The following GALNT8 variants were observed in gnomAD, a reference collection of about 807,000 sequenced individuals.
The protein encoded by GALNT8 is polypeptide N-acetylgalactosaminyltransferase 8.
A neutral mutation model predicts 62.7 loss-of-function variants in GALNT8; 66 were observed. The observed-to-expected ratio is 1.05, with a 90% CI of 0.86 to 1.29. The LOEUF (loss-of-function observed/expected upper bound fraction) is 1.29, where lower values mean the gene tolerates loss of function less well. Ranked by LOEUF, GALNT8 falls within the 50% of genes most tolerant of loss-of-function variation. The pLI, the probability that GALNT8 is intolerant of heterozygous loss-of-function variation, is 0.00. For missense variants in GALNT8, 771 were observed against 791.8 expected (o/e 0.97, Z 0.32); for synonymous variants, 288 against 294.3 (o/e 0.98, Z 0.22).
intron 2 of GALNT8, among the ~76,000 whole-genome samples, chr12:4,731,782 C>G (rs1442522588): frequency 9.9e-5 from 15 of 152,084 alleles, no homozygotes. Flanking sequence ...TGGTTTATTA[C>G]ATATAGAGAT....
At chr12:4,770,774 A>G (rs1231667697) in intron 10 of GALNT8, among the ~76,000 whole-genome samples, 1 of 152,120 alleles carries the variant, frequency 6.6e-6, no homozygotes, top group African/African-American at 2.4e-5. Context: ...TTGCTTGGGA[A>G]TTTGATTCTG....
chr12:4,722,561 C>T (rs1454037014), intron 1 of GALNT8, among the ~76,000 whole-genome samples: 1 of 152,144 alleles, frequency 6.6e-6, no homozygotes, highest in Non-Finnish European at 1.5e-5. Context: ...TTTGTGATTC[C>T]GGCTCACCAT....
intron 6 of GALNT8, among the ~76,000 whole-genome samples, chr12:4,753,672 C>A (rs1270769612): frequency 6.6e-6 from 1 of 152,110 alleles, no homozygotes; most frequent in African/African-American, 2.4e-5. Context: ...TAGGATTGGT[C>A]CCTTCATTCA....
rs1191422078 is a variant in GALNT8, at chr12:4,772,436, C to T, written c.1762-9C>T. 1 of 1,612,334 alleles carries T rather than the reference C, an allele frequency of 6.2e-7. No homozygotes were observed. The highest frequency in any genetic ancestry group is 8.5e-7 in the Non-Finnish European group (1 of 1,179,254). On this transcript the variant is annotated splice_polypyrimidine_tract_variant and intron_variant, in intron 10 of 10. Transcript: ENST00000252318. ...TCAGCACCTTGGCTCTGTCTCTCTTCCCCTCCAGGGAGGAGCTGTCATAAA... is the reference window on the plus strand; with the variant it reads ...TCAGCACCTTGGCTCTGTCTCTCTTTCCCTCCAGGGAGGAGCTGTCATAAA...
In GALNT8 at chr12:4,744,742, G is replaced by A. The variant is rs746972408; in HGVS notation, c.860+42G>A. 6.4e-6 allele frequency: 9 copies of A among 1,398,924 alleles called. No individual in the cohort carries two copies. The Admixed American group carries it at 1.2e-4, about 19-fold the overall frequency. 86.7% of individuals were successfully genotyped at this position (1,398,924 alleles called of 1,614,324 possible). On this transcript the variant is annotated intron_variant, in intron 4 of 10. Coordinates refer to ENST00000252318, the MANE Select transcript of GALNT8 (RefSeq NM_017417.2). ...CTAGTTCTTCTGGAAAGGGCAGAGA[G>A]GAGATATTGTGCATGTACTGAACAC...
Position 4,739,221 on chromosome 12 carries a change from G to A in GALNT8, c.568G>A (p.Val190Met), listed in dbSNP as rs780766378. ...ATCCCTCAGTGTCATTCTCATATTC[G>A]TGAATGAAGCTCTGTCCATTATACA... ...LPSLSVILIF[V>M]NEALSIIQRA... Residue 190 changes from valine to methionine, a missense_variant, in exon 3 of 11, where the codon GTG becomes ATG. Transcript: ENST00000252318. 23 of 1,612,622 alleles carry A rather than the reference G, an allele frequency of 1.4e-5. No individual in the cohort carries two copies. The highest frequency in any genetic ancestry group is 6.7e-5 in the East Asian group (3 of 44,884).
rs34806567 is a variant in GALNT8, at chr12:4,739,170, C to T, written c.517C>T (p.Arg173Trp). ...AAAAATGGTCTCTTATAGATGTCTT[C>T]GGAAGACATATCCTTCCCAACTCCC... ...IPDTRDYRCL[R>W]KTYPSQLPSL... Residue 173 changes from arginine to tryptophan, a missense_variant, in exon 3 of 11, where the codon CGG becomes TGG. Physicochemically the swap from Arg to Trp is moderately radical, Grantham distance 101. Coordinates refer to ENST00000252318, the MANE Select transcript of GALNT8 (RefSeq NM_017417.2). The T allele has an allele frequency of 0.013, 20,338 of 1,604,602 alleles. 180 individuals are homozygous for T. The highest frequency in any genetic ancestry group is 0.014 in the Non-Finnish European group (16,809 of 1,172,470).
At chr12:4,740,235 G>A (rs1172407254) in intron 3 of GALNT8, among the ~76,000 whole-genome samples, 1 of 152,152 alleles carries the variant, frequency 6.6e-6, no homozygotes, top group African/African-American at 2.4e-5. Flanking sequence ...CACTTTCTGA[G>A]TTCATAATCC....
At position 4,720,794 on chromosome 12, in the gene GALNT8, T is replaced by A. The variant is rs1045690868; in HGVS notation, c.117T>A (p.Gly39=). 5 of 1,611,442 alleles carry A rather than the reference T, an allele frequency of 3.1e-6. No homozygotes were observed. In the South Asian group the frequency reaches 4.4e-5, roughly 14 times the overall value. ...SKGTLQNLFT[G]GLHRELPLHL... is the part of the protein sequence containing the mutation. The stretch of plus-strand genomic sequence containing the variant: ...GGACTTTACAAAACCTGTTTACGGG[T>A]GGTCTCCACAGGGAGCTTCCTTTAC... Residue 39 remains glycine (G), a synonymous_variant, in exon 1 of 11, where the codon GGT becomes GGA. Coordinates refer to ENST00000252318, the MANE Select transcript of GALNT8 (RefSeq NM_017417.2).
At chr12:4,760,005 G>T (rs1946364310) in intron 6 of GALNT8, among the ~76,000 whole-genome samples, 1 of 152,236 alleles carries the variant, frequency 6.6e-6, no homozygotes, top group Non-Finnish European at 1.5e-5. Flanking sequence ...ATTTGGTCAA[G>T]TTATGCAAAT....
intron 9 of GALNT8, among the ~76,000 whole-genome samples, chr12:4,765,057 A>C (rs1314220083): frequency 6.6e-6 from 1 of 152,132 alleles, no homozygotes; most frequent in African/African-American, 2.4e-5. Flanking sequence ...TCTGACAACA[A>C]ACCCATAGCT....
intron 1 of GALNT8, among the ~76,000 whole-genome samples, chr12:4,725,964 G>A (rs114415525): frequency 0.012 from 1,782 of 152,328 alleles, 37 homozygotes; most frequent in African/African-American, 0.041. Context: ...GGGCATAGGT[G>A]GATGATGGTG....
Position 4,726,772 on chromosome 12 carries a change from C to G in GALNT8, c.452C>G (p.Ala151Gly), listed in dbSNP as rs547136904. 3.0e-5 allele frequency: 48 copies of G among 1,613,880 alleles called. No homozygotes were observed. In the South Asian group the frequency reaches 4.8e-4, roughly 16 times the overall value. Residue 151 changes from alanine to glycine, a missense_variant, in exon 2 of 11, where the codon GCG becomes GGG. Ala to Gly is a moderately conservative substitution (Grantham distance 60). Transcript: ENST00000252318. This position sits in a 1 kb window ranked among gnomAD's most constrained non-coding sequence, Gnocchi z 4.1. ...QDLFRKFGYN[A>G]YLSNQLPLNR... is the part of the protein sequence containing the mutation. ...CTCTTCCGGAAGTTTGGTTACAACG[C>G]GTACCTCAGCAACCAGCTGCCTCTC...
intron 6 of GALNT8, among the ~76,000 whole-genome samples, chr12:4,752,906 A>G (rs1946328538): frequency 6.6e-6 from 1 of 151,966 alleles, no homozygotes; most frequent in African/African-American, 2.4e-5. Context: ...GAAAGTCTTT[A>G]TTTCTCCTTC....
intron 8 of GALNT8, 100 bp downstream of exon 8, chr12:4,763,490 C>A: frequency 1.1e-6 from 1 of 927,198 alleles, no homozygotes; most frequent in Non-Finnish European, 1.7e-6. Context: ...AGACGCCCTT[C>A]CTACCTCAGC....
intron 2 of GALNT8, among the ~76,000 whole-genome samples, chr12:4,727,550 C>G (rs1303141563): frequency 1.3e-5 from 2 of 152,188 alleles, no homozygotes; most frequent in East Asian, 3.8e-4. Flanking sequence ...CACCACTAAT[C>G]TACTTTTTAT....
chr12:4,745,191 G>C (rs1946291484), intron 4 of GALNT8, among the ~76,000 whole-genome samples: 1 of 152,170 alleles, frequency 6.6e-6, no homozygotes. Context: ...GCCTGGGGGT[G>C]TTACCTGGGT....
chr12:4,772,505 G>A lies in GALNT8; in HGVS notation c.1822G>A (p.Gly608Ser), dbSNP rs749882742. The A allele has an allele frequency of 6.2e-7, 1 of 1,613,768 alleles. No homozygotes were observed. The highest frequency in any genetic ancestry group is 8.5e-7 in the Non-Finnish European group (1 of 1,179,694). The change falls in exon 11 of 11, where the codon GGT becomes AGT. Residue 608 changes from glycine to serine, a missense_variant. By Grantham distance (56) the Gly-to-Ser change is moderately conservative. Transcript: ENST00000252318. ...RCLEMKKDLL[G>S]SHVLVLQTCS... ...TCTGGAGATGAAGAAGGATCTTTTG[G>A]GTAGCCACGTGCTTGTGCTCCAGAC... is the stretch of plus-strand genomic sequence containing the variant.
chr12:4,756,029 GTA>G (rs1260458695), intron 6 of GALNT8, among the ~76,000 whole-genome samples: 1 of 152,192 alleles, frequency 6.6e-6, no homozygotes, highest in Non-Finnish European at 1.5e-5. Context: ...AGGTTTAGAA[GTA>G]GCAAACTATT....
Sources: allele counts gnomAD v4.1 joint callset (sites outside exome capture counted in the v4.1 genomes callset), GRCh38; gene constraint gnomAD v4.1.1; non-coding constraint Gnocchi (gnomAD v3.1); transcripts MANE v1.5; gene names NCBI Gene and HGNC (gene_info 2026-07-23, HGNC 2026-07-21).